DMAC1: variants seen among roughly 807,000 people sequenced by gnomAD.
DMAC1 encodes distal membrane arm assembly component 1, also known as distal membrane-arm assembly complex protein 1.
DMAC1 carries 10 observed loss-of-function variants against 7.0 expected under a neutral mutation model. The observed-to-expected ratio is 1.43, with a 90% CI of 0.88 to 2.43. DMAC1 has a LOEUF of 2.43. Ranked by LOEUF, DMAC1 falls within the 30% of genes most tolerant of loss-of-function variation. The pLI, the probability that DMAC1 is intolerant of heterozygous loss-of-function variation, is 0.00. For missense variants in DMAC1, 219 were observed against 158.7 expected, an observed-to-expected ratio of 1.38 and a Z score of -2.04; for synonymous variants, 92 against 66.2, an observed-to-expected ratio of 1.39 and a Z score of -1.90.
rs1363627793 is a variant in DMAC1, at chr9:7,799,558, C to A, written c.177G>T (p.Met59Ile). ...CCCAGTACACGTACCCGCCCGCCCC[C>A]ATCAGCCCCAACCCAGAAAGCACGC... The part of the protein sequence containing the change: ...SCRVLSGLGL[M>I]GAGGYVYWVA... The change falls in exon 1 of 2, where the codon ATG becomes ATT. Residue 59 changes from methionine (M) to isoleucine (I), a missense_variant. Physicochemically the swap from Met to Ile is conservative, Grantham distance 10. Coordinates refer to ENST00000358227, the MANE Select transcript of DMAC1 (RefSeq NM_033428.3). 2 of 1,613,816 alleles carry A rather than the reference C, an allele frequency of 1.2e-6. No individual in the cohort carries two copies. Among genetic ancestry groups the A allele is most frequent in the African/African-American group, 1.3e-5 (1 of 74,928 alleles).
chr9:7,799,415 C>T (rs752815670), intron 1 of DMAC1, 46 bp downstream of exon 1: 17 of 1,604,264 alleles, frequency 1.1e-5, no homozygotes, highest in Middle Eastern at 2.3e-4. Context: ...CCTTCCTCTA[C>T]CCCGCAGATA....
In DMAC1 at chr9:7,799,648, T is replaced by A. The variant is rs1818702721; in HGVS notation, c.87A>T (p.Pro29=). The A allele has an allele frequency of 6.2e-7, 1 of 1,611,856 alleles. No individual in the cohort carries two copies. The highest frequency in any genetic ancestry group is 8.5e-7 in the Non-Finnish European group (1 of 1,179,304). ...TAAAPAKPAP[P]ATPGAPTSPA... ...GGGAGGTCGGCGCTCCGGGTGTAGCTGGGGGCGCAGGTTTGGCGGGCGCGG... is the reference window on the plus strand; with the variant it reads ...GGGAGGTCGGCGCTCCGGGTGTAGCAGGGGGCGCAGGTTTGGCGGGCGCGG... The change falls in exon 1 of 2, where the codon CCA becomes CCT. Residue 29 remains proline (P), a synonymous_variant. Transcript: ENST00000358227.
At position 7,797,181 on chromosome 9, in the gene DMAC1, A is replaced by C. The variant is rs751897465; in HGVS notation, c.*1392T>G. 1 of 152,246 alleles carries C rather than the reference A, an allele frequency of 6.6e-6. No homozygotes were observed. The highest frequency in any genetic ancestry group is 1.5e-5 in the Non-Finnish European group (1 of 68,042). 9.4% of individuals were successfully genotyped at this position (152,246 alleles called of 1,614,324 possible). A position where few individuals can be genotyped will look rare whatever the true frequency, so the allele number is the denominator to read the frequency against. On this transcript the variant is annotated 3_prime_UTR_variant, in exon 2 of 2. Transcript: ENST00000358227. Reference sequence around the variant, plus strand: ...AGGTATTTTAGGTATATGAATGACCATATGTATCTGCTTTGGGTCATCCAT... The same window carrying C: ...AGGTATTTTAGGTATATGAATGACCCTATGTATCTGCTTTGGGTCATCCAT...
At chr9:7,799,337 G>C (rs1586898465) in intron 1 of DMAC1, 124 bp downstream of exon 1, 1 of 1,293,340 alleles carries the variant, frequency 7.7e-7, no homozygotes, top group Non-Finnish European at 1.1e-6. Context: ...TGTTTGAGGT[G>C]CCCCCACCAC....
Position 7,797,628 on chromosome 9 carries a change from G to A in DMAC1, c.*945C>T, listed in dbSNP as rs374841666. ...TGGCCTTCTCTTAGAAATGAACTATGTAATTTTGAGTACTTATCTCAAAAT... is the reference window on the plus strand; with the variant it reads ...TGGCCTTCTCTTAGAAATGAACTATATAATTTTGAGTACTTATCTCAAAAT... On this transcript the variant is annotated 3_prime_UTR_variant, in exon 2 of 2. Coordinates refer to ENST00000358227, the MANE Select transcript of DMAC1 (RefSeq NM_033428.3). The A allele has an allele frequency of 9.9e-5, 15 of 152,120 alleles. No individual in the cohort carries two copies. In the East Asian group the frequency reaches 2.1e-3, roughly 22 times the overall value. 9.4% of individuals were successfully genotyped at this position (152,120 alleles called of 1,614,324 possible). A position where few individuals can be genotyped will look rare whatever the true frequency, so the allele number is the denominator to read the frequency against.
chr9:7,798,767 A>G, intron 1 of DMAC1, 130 bp from the exon 2 acceptor site: 3 of 669,322 alleles, frequency 4.5e-6, no homozygotes, highest in Non-Finnish European at 6.6e-6. Flanking sequence ...CTTTCTTATA[A>G]GGCAAGTGAA....
Position 7,798,418 on chromosome 9 carries a change from C to A in DMAC1, c.*155G>T. The stretch of plus-strand genomic sequence containing the variant: ...CAAACACTCCATAGCCAGAGAATGA[C>A]AACATACGATTTTCTTCTCAGTCTT... On this transcript the variant is annotated 3_prime_UTR_variant, in exon 2 of 2. Transcript: ENST00000358227. 2 of 826,296 alleles carry A rather than the reference C, an allele frequency of 2.4e-6. No homozygotes were observed. Among genetic ancestry groups the A allele is most frequent in the Non-Finnish European group, 2.0e-6 (1 of 488,214 alleles). 51.2% of individuals were successfully genotyped at this position (826,296 alleles called of 1,614,324 possible).
rs984912163 is a variant in DMAC1 at position 7,797,854 on chromosome 9, C to A, written c.*719G>T. 1.3e-5 allele frequency: 2 copies of A among 152,210 alleles called. No homozygotes were observed. The highest frequency in any genetic ancestry group is 4.8e-5 in the African/African-American group (2 of 41,464). 9.4% of individuals were successfully genotyped at this position (152,210 alleles called of 1,614,324 possible). On this transcript the variant is annotated 3_prime_UTR_variant, in exon 2 of 2. Transcript: ENST00000358227. ...AACAAAAAACTGACAAGAACAAGTT[C>A]TAGCTCCATCACGGACTTACTGAAT...
Position 7,796,569 on chromosome 9 carries a change from T to C in DMAC1, c.*2004A>G, listed in dbSNP as rs1437309672. On this transcript the variant is annotated 3_prime_UTR_variant, in exon 2 of 2. Coordinates refer to ENST00000358227, the MANE Select transcript of DMAC1 (RefSeq NM_033428.3). ...TACTCGTAAAAGTCTGAGAAAAACA[T>C]TAAAATGCTATTACAATACAGTTGA... The C allele has an allele frequency of 6.6e-6, 1 of 152,154 alleles. No individual in the cohort carries two copies. 9.4% of individuals were successfully genotyped at this position (152,154 alleles called of 1,614,324 possible).
chr9:7,798,693 T>C (rs376163384), intron 1 of DMAC1, 56 bp from the exon 2 acceptor site: 1 of 1,416,280 alleles, frequency 7.1e-7, no homozygotes. Flanking sequence ...TTACCAAGTG[T>C]TTCACATATA....
chr9:7,798,775 G>T, intron 1 of DMAC1, 138 bp from the exon 2 acceptor site: 1 of 658,118 alleles, frequency 1.5e-6, no homozygotes, highest in Non-Finnish European at 2.3e-6. Flanking sequence ...TAAGGCAAGT[G>T]AAGCACAGAA....
intron 1 of DMAC1, 117 bp downstream of exon 1, chr9:7,799,344 C>G: frequency 7.3e-7 from 1 of 1,378,476 alleles, no homozygotes; most frequent in Non-Finnish European, 9.8e-7. Context: ...GGTGCCCCCA[C>G]CACCTGACCA....
Position 7,798,647 on chromosome 9 carries a change from A to C in DMAC1, c.275-10T>G, listed in dbSNP as rs755089431. 11 of 1,555,934 alleles carry C rather than the reference A, an allele frequency of 7.1e-6. 2 individuals are homozygous for C. The South Asian group carries it at 1.3e-4, about 19-fold the overall frequency. ...CCCCAGGTGGCAATGCCTAGAAAAAAAACAACAATACCTTACCTTTATGCT... is the reference window on the plus strand; with the variant it reads ...CCCCAGGTGGCAATGCCTAGAAAAACAACAACAATACCTTACCTTTATGCT... On this transcript the variant is annotated splice_polypyrimidine_tract_variant and intron_variant, in intron 1 of 1. Transcript: ENST00000358227.
chr9:7,796,527 GA>G lies in DMAC1; in HGVS notation c.*2045del, dbSNP rs902585279. 2.0e-5 allele frequency: 3 copies of G among 152,134 alleles called. No individual in the cohort carries two copies. Among genetic ancestry groups the G allele is most frequent in the African/African-American group, 7.2e-5 (3 of 41,408 alleles). The allele number at this position is 152,134 out of a possible 1,614,324, so 9.4% of individuals were successfully genotyped here. ...AATGGTGAGCAGGCAGGTTTATTCA[GA>G]AAAAGCTCAGATTCATACTCGTAAA... On this transcript the variant is annotated 3_prime_UTR_variant, in exon 2 of 2. Transcript: ENST00000358227.
In DMAC1 at chr9:7,798,031, G is replaced by GT. The variant is rs1195618505; in HGVS notation, c.*541dup. On this transcript the variant is annotated 3_prime_UTR_variant, in exon 2 of 2. Transcript: ENST00000358227. ...GCAATTCATACACAGAAAATTTCAC[G>GT]TACTTCTATATATTGCATGATGCCC... 1.3e-5 allele frequency: 2 copies of GT among 152,180 alleles called. No homozygotes were observed. The highest frequency in any genetic ancestry group is 3.8e-4 in the East Asian group (2 of 5,200). 9.4% of individuals were successfully genotyped at this position (152,180 alleles called of 1,614,324 possible).
chr9:7,796,713 G>C lies in DMAC1; in HGVS notation c.*1860C>G, dbSNP rs902557412. 3 of 152,208 alleles carry C rather than the reference G, an allele frequency of 2.0e-5. No individual in the cohort carries two copies. The highest frequency in any genetic ancestry group is 7.2e-5 in the African/African-American group (3 of 41,454). 9.4% of individuals were successfully genotyped at this position (152,208 alleles called of 1,614,324 possible). On this transcript the variant is annotated 3_prime_UTR_variant, in exon 2 of 2. Coordinates refer to ENST00000358227, the MANE Select transcript of DMAC1 (RefSeq NM_033428.3). Reference sequence around the variant, plus strand: ...TCCTCAGACTACTCAGCGTGAAGATGAGGATGAAGACCTTTAGGATGATTC... The same window carrying C: ...TCCTCAGACTACTCAGCGTGAAGATCAGGATGAAGACCTTTAGGATGATTC...
intron 1 of DMAC1, 101 bp from the exon 2 acceptor site, chr9:7,798,738 G>A (rs891947988): frequency 2.1e-6 from 2 of 940,874 alleles, no homozygotes; most frequent in Non-Finnish European, 1.5e-6. Context: ...CACTTCTGGA[G>A]GATATATTAC....
At position 7,796,784 on chromosome 9, in the gene DMAC1, T is replaced by C. The variant is rs1818610864; in HGVS notation, c.*1789A>G. 6.4e-5 allele frequency: 1 copy of C among 15,644 alleles called. No individual in the cohort carries two copies. Among genetic ancestry groups the C allele is most frequent in the Non-Finnish European group, 1.7e-4 (1 of 5,840 alleles). 1.0% of individuals were successfully genotyped at this position (15,644 alleles called of 1,614,324 possible). A position where few individuals can be genotyped will look rare whatever the true frequency, so the allele number is the denominator to read the frequency against. On this transcript the variant is annotated 3_prime_UTR_variant, in exon 2 of 2. Transcript: ENST00000358227. ...GAATATATTACTTCCTTAATAACAT[T>C]TTTTTTTTCTCTAGCTTACCTTCTT...
Position 7,797,999 on chromosome 9 carries a change from A to C in DMAC1, c.*574T>G, listed in dbSNP as rs1252240685. On this transcript the variant is annotated 3_prime_UTR_variant, in exon 2 of 2. Transcript: ENST00000358227. ...TGATGGATTTGAAAATGCCTTGCAAAGTATCAGCAATTCATACACAGAAAA... is the reference window on the plus strand; with the variant it reads ...TGATGGATTTGAAAATGCCTTGCAACGTATCAGCAATTCATACACAGAAAA... The C allele has an allele frequency of 6.6e-6, 1 of 152,308 alleles. No homozygotes were observed. Among genetic ancestry groups the C allele is most frequent in the Non-Finnish European group, 1.5e-5 (1 of 68,118 alleles). 9.4% of individuals were successfully genotyped at this position (152,308 alleles called of 1,614,324 possible).
Sources: gnomAD v4.1 joint callset for allele counts on GRCh38, gnomAD v4.1.1 for gene constraint, MANE v1.5 for transcripts, NCBI Gene and HGNC (gene_info 2026-07-23, HGNC 2026-07-21) for gene names.